Variants in SLC14A2 observed in about 807,000 individuals in gnomAD.
SLC14A2 encodes solute carrier family 14 member 2, also known as urea transporter 2.
SLC14A2 carries 91 observed loss-of-function variants against 104.6 expected under a neutral mutation model. The observed-to-expected ratio is 0.87, with a 90% CI of 0.73 to 1.04. SLC14A2 has a LOEUF of 1.04. Among genes scored for constraint, SLC14A2 ranks in the 50% least tolerant of loss-of-function variants. The probability of loss-of-function intolerance (pLI) is 0.00; values close to 1 mark genes in which losing one functional copy is unlikely to be tolerated. For missense variants in SLC14A2, 1,189 were observed against 1,156.0 expected, an observed-to-expected ratio of 1.03 and a Z score of -0.41; for synonymous variants, 476 against 466.4, an observed-to-expected ratio of 1.02 and a Z score of -0.27.
intron 1 of SLC14A2, among the ~76,000 whole-genome samples, chr18:45,413,274 C>T (rs1264591856): frequency 6.6e-6 from 1 of 152,092 alleles, no homozygotes; most frequent in Non-Finnish European, 1.5e-5. Flanking sequence ...AATCTCCTCC[C>T]TTTAGTAACA....
At chr18:45,327,702 A>T (rs1030966811) in intron 1 of SLC14A2, among the ~76,000 whole-genome samples, 1 of 152,194 alleles carries the variant, frequency 6.6e-6, no homozygotes, top group Non-Finnish European at 1.5e-5. Flanking sequence ...ACGTTGTAGC[A>T]TGTGTCAGAA....
intron 2 of SLC14A2, among the ~76,000 whole-genome samples, chr18:45,548,809 C>T (rs2044011573): frequency 6.6e-6 from 1 of 152,234 alleles, no homozygotes; most frequent in South Asian, 2.1e-4. Flanking sequence ...CAGGTGATGT[C>T]ACTTAACCTG....
chr18:45,463,339 T>C (rs1192228545), intron 1 of SLC14A2, among the ~76,000 whole-genome samples: 4 of 152,214 alleles, frequency 2.6e-5, no homozygotes, highest in Admixed American at 1.3e-4. Context: ...CTGTGTGACG[T>C]TGGTCTCCCA....
chr18:45,445,918 G>T (rs1386877702), intron 1 of SLC14A2, among the ~76,000 whole-genome samples: 1 of 152,228 alleles, frequency 6.6e-6, no homozygotes, highest in Admixed American at 6.5e-5. Flanking sequence ...TTTCAGGAAA[G>T]TGGTTCTTTT....
intron 2 of SLC14A2, among the ~76,000 whole-genome samples, chr18:45,517,672 G>A (rs2043460734): frequency 2.0e-5 from 3 of 152,186 alleles, no homozygotes; most frequent in South Asian, 4.1e-4. Flanking sequence ...TGCTTGGCTG[G>A]AAGTTGTAAA....
intron 2 of SLC14A2, among the ~76,000 whole-genome samples, chr18:45,501,764 G>T (rs2043202806): frequency 3.3e-5 from 5 of 152,188 alleles, no homozygotes. Flanking sequence ...GATCAGAGTG[G>T]TCCCAGAGTC....
intron 1 of SLC14A2, among the ~76,000 whole-genome samples, chr18:45,410,538 A>G (rs557579178): frequency 2.0e-5 from 3 of 152,182 alleles, no homozygotes; most frequent in Non-Finnish European, 4.4e-5. Context: ...TTATTTATGT[A>G]AAAACTGTTT....
chr18:45,618,935 G>A (rs1194327350), intron 1 of SLC14A2, among the ~76,000 whole-genome samples: 1 of 152,122 alleles, frequency 6.6e-6, no homozygotes, highest in African/African-American at 2.4e-5. Flanking sequence ...TACTGGAGAT[G>A]GATGATCTTT....
chr18:45,422,510 G>C (rs1244706141), intron 1 of SLC14A2, among the ~76,000 whole-genome samples: 1 of 152,158 alleles, frequency 6.6e-6, no homozygotes, highest in Admixed American at 6.6e-5. Context: ...GCGTGAGGTG[G>C]AAGGGGAGGC....
At chr18:45,611,905 T>C (rs551415538), upstream of SLC14A2, among the ~76,000 whole-genome samples, 1 of 152,348 alleles carries the variant, frequency 6.6e-6, no homozygotes, top group Admixed American at 6.5e-5. Flanking sequence ...ACATATAAAA[T>C]ACCATGTGCA....
At chr18:45,677,877 A>G (rs183863095) in intron 18 of SLC14A2, among the ~76,000 whole-genome samples, 1 of 152,348 alleles carries the variant, frequency 6.6e-6, no homozygotes, top group East Asian at 1.9e-4. Flanking sequence ...CACAGTAAGT[A>G]GCATGATCAT....
At chr18:45,474,883 T>G (rs906613374) in intron 1 of SLC14A2, among the ~76,000 whole-genome samples, 2 of 152,192 alleles carry the variant, frequency 1.3e-5, no homozygotes, top group African/African-American at 2.4e-5. Flanking sequence ...CTCCTTCAAT[T>G]CTGCTCTGAT....
intron 1 of SLC14A2, among the ~76,000 whole-genome samples, chr18:45,316,114 C>T (rs1319389273): frequency 6.6e-6 from 1 of 152,204 alleles, no homozygotes; most frequent in East Asian, 1.9e-4. Flanking sequence ...TCCCTCCCGG[C>T]TTGGGGAGCT....
chr18:45,380,221 C>G (rs547067014), intron 1 of SLC14A2, among the ~76,000 whole-genome samples: 2 of 152,234 alleles, frequency 1.3e-5, no homozygotes, highest in African/African-American at 2.4e-5. Context: ...TAAGACCAAC[C>G]ATTACTAATT....
chr18:45,560,950 G>A (rs1003511967), intron 2 of SLC14A2, among the ~76,000 whole-genome samples: 10 of 152,218 alleles, frequency 6.6e-5, no homozygotes, highest in African/African-American at 9.6e-5. Flanking sequence ...TGCTTAACAC[G>A]GAAAAAGTCA....
At position 45,667,953 on chromosome 18, in the gene SLC14A2, G is replaced by C; in HGVS notation, c.1838G>C (p.Trp613Ser). 1 of 1,614,104 alleles carries C rather than the reference G, an allele frequency of 6.2e-7. No individual in the cohort carries two copies. Among genetic ancestry groups the C allele is most frequent in the Non-Finnish European group, 8.5e-7 (1 of 1,180,006 alleles). The change falls in exon 14 of 20, where the codon TGG becomes TCG. Residue 613 changes from tryptophan (W) to serine (S), a missense_variant. Trp to Ser is a radical substitution (Grantham distance 177). Coordinates refer to ENST00000255226, the MANE Select transcript of SLC14A2 (RefSeq NM_007163.4). ...CTCGGCCTCTTCATCCAGAACCCCT[G>C]GTGGGCGATCTCAGGCTGCCTGGGT... ...IILGLFIQNP[W>S]WAISGCLGTI...
chr18:45,620,203 G>A (rs1200031988), intron 1 of SLC14A2, among the ~76,000 whole-genome samples: 1 of 151,338 alleles, frequency 6.6e-6, no homozygotes, highest in Non-Finnish European at 1.5e-5. Flanking sequence ...ACACAACAGC[G>A]GGCTGAGGCC....
At chr18:45,471,852 G>GT (rs1356537748) in intron 1 of SLC14A2, among the ~76,000 whole-genome samples, 16 of 150,980 alleles carry the variant, frequency 1.1e-4, no homozygotes, top group Admixed American at 6.6e-5. Flanking sequence ...GAGGCTTGTT[G>GT]TTTTTTTATT....
intron 1 of SLC14A2, among the ~76,000 whole-genome samples, chr18:45,221,889 CA>C (rs1401128591): frequency 1.3e-5 from 2 of 151,950 alleles, no homozygotes; most frequent in Non-Finnish European, 1.5e-5. Flanking sequence ...GAAAGATAGA[CA>C]AAGGCTTACA....
Sources: allele counts gnomAD v4.1 joint callset (sites outside exome capture counted in the v4.1 genomes callset), GRCh38; gene constraint gnomAD v4.1.1; transcripts MANE v1.5; gene names NCBI Gene and HGNC (gene_info 2026-07-23, HGNC 2026-07-21).